CDH4: variants seen among roughly 807,000 people sequenced by gnomAD.
CDH4 encodes the protein cadherin-4.
A neutral mutation model predicts 86.0 loss-of-function variants in CDH4; 33 were observed. The observed-to-expected ratio is 0.38, with a 90% CI of 0.29 to 0.51. The LOEUF (loss-of-function observed/expected upper bound fraction) is 0.51, where lower values mean the gene tolerates loss of function less well. Among genes scored for constraint, CDH4 ranks in the 20% least tolerant of loss-of-function variants. The pLI is 0.86. For missense variants in CDH4, 1,114 were observed against 1,307.4 expected (o/e 0.85, Z 2.28); for synonymous variants, 555 against 549.4 (o/e 1.01, Z -0.14).
At chr20:61,565,296 TGG>T (rs2086278799) in intron 2 of CDH4, among the ~76,000 whole-genome samples, 2 of 54,244 alleles carry the variant, frequency 3.7e-5, no homozygotes, top group South Asian at 7.2e-4. Context: ...GTGATGGTGG[TGG>T]CGGTGCTCTT....
At chr20:61,493,619 C>A (rs1048973467) in intron 2 of CDH4, among the ~76,000 whole-genome samples, 7 of 152,174 alleles carry the variant, frequency 4.6e-5, no homozygotes, top group Admixed American at 4.6e-4. Flanking sequence ...GAGACAGGTT[C>A]CCAGGGGGAT....
In CDH4 at chr20:61,911,675, G is replaced by A. The variant is rs897902140; in HGVS notation, c.1374+1068G>A. ...GGAAAAGCAAGATGAGCTTAAAGCT[G>A]GATAGGATATGCCGAAGCATAAGGA... On this transcript the variant is annotated intron_variant, in intron 9 of 15. Transcript: ENST00000614565. Among the ~76,000 whole-genome samples, 3 of 150,266 alleles carry A rather than the reference G, an allele frequency of 2.0e-5. No homozygotes were observed. In the East Asian group the frequency reaches 5.8e-4, roughly 29 times the overall value.
At chr20:61,730,867 G>A (rs1310821667) in intron 2 of CDH4, among the ~76,000 whole-genome samples, 2 of 152,198 alleles carry the variant, frequency 1.3e-5, no homozygotes, top group African/African-American at 4.8e-5. Context: ...AGACCACTGG[G>A]CCATGCAGGC....
intron 2 of CDH4, among the ~76,000 whole-genome samples, chr20:61,633,843 C>T (rs564903613): frequency 6.6e-6 from 1 of 152,302 alleles, no homozygotes; most frequent in African/African-American, 2.4e-5. Context: ...GCCATCTCCC[C>T]CCCAGCTGTC....
chr20:61,743,458 C>T (rs2088368646), intron 2 of CDH4, 105 bp from the exon 3 acceptor site: 1 of 807,938 alleles, frequency 1.2e-6, no homozygotes, highest in African/African-American at 1.7e-5. Context: ...CCTCATGCCC[C>T]TCATGCCCAC....
intron 2 of CDH4, among the ~76,000 whole-genome samples, chr20:61,559,962 G>A (rs931638504): frequency 6.6e-6 from 1 of 152,174 alleles, no homozygotes; most frequent in Non-Finnish European, 1.5e-5. Context: ...GCCAACCTCA[G>A]AGCACCACGT....
At chr20:61,371,940 C>T (rs1025711146) in intron 2 of CDH4, among the ~76,000 whole-genome samples, 3 of 152,350 alleles carry the variant, frequency 2.0e-5, no homozygotes, top group Middle Eastern at 3.4e-3. Context: ...CAAGCCCAGT[C>T]TTGTGGAGAT....
intron 2 of CDH4, among the ~76,000 whole-genome samples, chr20:61,666,765 G>A (rs1027274946): frequency 2.6e-5 from 4 of 152,220 alleles, no homozygotes; most frequent in Non-Finnish European, 5.9e-5. Context: ...TCGATGGGGT[G>A]TTGGGAATCT....
intron 2 of CDH4, among the ~76,000 whole-genome samples, chr20:61,279,226 G>A (rs552283701): frequency 2.2e-4 from 34 of 152,306 alleles, no homozygotes; most frequent in Non-Finnish European, 2.8e-4. Context: ...AGAGGGACAC[G>A]GCGAGGCACT....
At chr20:61,423,830 C>A (rs906740884) in intron 2 of CDH4, among the ~76,000 whole-genome samples, 1 of 152,180 alleles carries the variant, frequency 6.6e-6, no homozygotes, top group Non-Finnish European at 1.5e-5. Context: ...TCAGGCCAAG[C>A]TTCTTCAGTG....
intron 2 of CDH4, among the ~76,000 whole-genome samples, chr20:61,578,278 G>T (rs543848995): frequency 2.5e-4 from 38 of 152,230 alleles, no homozygotes; most frequent in African/African-American, 4.3e-4. Context: ...CCAGGGCACT[G>T]GGGGGGAATG....
At chr20:61,473,942 C>T (rs1018338939) in intron 2 of CDH4, among the ~76,000 whole-genome samples, 8 of 152,044 alleles carry the variant, frequency 5.3e-5, no homozygotes, top group Non-Finnish European at 7.4e-5. Flanking sequence ...TTGTTTCCTT[C>T]CCTGTTTCAC....
chr20:61,384,328 G>A (rs1344002505), intron 2 of CDH4, among the ~76,000 whole-genome samples: 2 of 152,100 alleles, frequency 1.3e-5, no homozygotes, highest in Non-Finnish European at 2.9e-5. Flanking sequence ...TAGAGACAGG[G>A]TCTCCCCACA....
At chr20:61,611,008 G>A (rs1379579169) in intron 2 of CDH4, among the ~76,000 whole-genome samples, 1 of 152,058 alleles carries the variant, frequency 6.6e-6, no homozygotes, top group African/African-American at 2.4e-5. Flanking sequence ...GCAGGTCTCT[G>A]CACAGGCACA....
chr20:61,511,704 G>A (rs1053441831), intron 2 of CDH4, among the ~76,000 whole-genome samples: 11 of 152,204 alleles, frequency 7.2e-5, no homozygotes, highest in East Asian at 3.9e-4. Context: ...CATGTTTGGC[G>A]AGTGTCTGGC....
intron 2 of CDH4, among the ~76,000 whole-genome samples, chr20:61,573,030 TTGGATGGATGGA>T (rs760571002): frequency 6.3e-4 from 89 of 140,446 alleles, no homozygotes; most frequent in Admixed American, 3.0e-3. Context: ...GGATGGATGG[TTGGATGGATGGA>T]TGGATGGATG....
At chr20:61,302,419 C>T (rs1308095598) in intron 2 of CDH4, among the ~76,000 whole-genome samples, 1 of 152,218 alleles carries the variant, frequency 6.6e-6, no homozygotes. Context: ...TAACGCCTAA[C>T]TTCAGATGAA....
chr20:61,564,747 C>T (rs1418682369), intron 2 of CDH4, among the ~76,000 whole-genome samples: 1 of 152,134 alleles, frequency 6.6e-6, no homozygotes, highest in African/African-American at 2.4e-5. Context: ...CCTGCAATTC[C>T]AGTGGACACG....
At chr20:61,595,383 G>A (rs540343893) in intron 2 of CDH4, among the ~76,000 whole-genome samples, 9 of 152,230 alleles carry the variant, frequency 5.9e-5, no homozygotes, top group Admixed American at 1.3e-4. Context: ...GAGTGTGCCC[G>A]TCAGGGCTGC....
Sources: gnomAD v4.1 joint callset for allele counts (sites outside exome capture counted in the v4.1 genomes callset) on GRCh38, gnomAD v4.1.1 for gene constraint, MANE v1.5 for transcripts, NCBI Gene and HGNC (gene_info 2026-07-23, HGNC 2026-07-21) for gene names.